Variants in SLC4A11 observed in about 807,000 individuals in gnomAD.
SLC4A11 encodes solute carrier family 4 member 11, also known as bicarbonate transporter related protein 1.
Under a neutral mutation model 95.0 loss-of-function variants are expected in SLC4A11, and 74 were observed. The ratio of observed to expected loss-of-function variants is 0.78; its 90% CI spans 0.65 to 0.95. SLC4A11 has a LOEUF of 0.95. Ranked by LOEUF, SLC4A11 falls within the 40% of genes least tolerant of loss-of-function variation. The pLI is 0.00. For synonymous variants in SLC4A11, 548 were observed against 519.0 expected, an observed-to-expected ratio of 1.06 and a Z score of -0.76; for missense variants, 1,081 against 1,192.4, an observed-to-expected ratio of 0.91 and a Z score of 1.38.
chr20:3,238,878 C>T (rs2068071729), intron 1 of SLC4A11: 2 of 1,249,018 alleles, frequency 1.6e-6, no homozygotes, highest in Admixed American at 4.4e-5. Context: ...ACAGCAGAGC[C>T]CTAATGAAAC....
rs756092057 is a variant in SLC4A11 at position 3,229,639 on chromosome 20, T to G, written c.1627A>C (p.Ser543Arg). ...HTALNASFLASPTELPSATHS... is the reference protein window; with the variant it reads ...HTALNASFLARPTELPSATHS... ...GTGGCCGAGGGCAGCTCCGTGGGGC[T>G]GGCGAGGAAGCTGGCGTTGAGGGCA... The change falls in exon 14 of 20, where the codon AGC (serine) becomes CGC (arginine). Residue 543 changes from serine to arginine, a missense_variant. Physicochemically the swap from Ser to Arg is moderately radical, Grantham distance 110. Coordinates refer to ENST00000642402, the MANE Select transcript of SLC4A11 (RefSeq NM_001174089.2). 4.3e-6 allele frequency: 7 copies of G among 1,613,396 alleles called. No individual in the cohort carries two copies. In the African/African-American group the frequency reaches 8.0e-5, roughly 18 times the overall value.
Position 3,234,993 on chromosome 20 carries a change from A to G in SLC4A11, c.89-99T>C, listed in dbSNP as rs2067923658. 1 of 1,492,376 alleles carries G rather than the reference A, an allele frequency of 6.7e-7. No homozygotes were observed. Among genetic ancestry groups the G allele is most frequent in the South Asian group, 1.1e-5 (1 of 87,816 alleles). 92.4% of individuals were successfully genotyped at this position (1,492,376 alleles called of 1,614,324 possible). A position where few individuals can be genotyped will look rare whatever the true frequency, so the allele number is the denominator to read the frequency against. On this transcript the variant is annotated intron_variant, in intron 2 of 19. Coordinates refer to ENST00000642402, the MANE Select transcript of SLC4A11 (RefSeq NM_001174089.2). This position sits in a 1 kb window ranked among gnomAD's most constrained non-coding sequence, Gnocchi z 5.8. ...GGAGCAGGGACCCCTGGACTGTCCC[A>G]CTCTCGGGCCGTGGTGGGAGAGGCC...
intron 7 of SLC4A11, among the ~76,000 whole-genome samples, chr20:3,233,062 T>C (rs2067832935): frequency 6.6e-6 from 1 of 152,228 alleles, no homozygotes. Context: ...GGAGGGGTCC[T>C]GGCAATCATC....
Position 3,228,526 on chromosome 20 carries a change from G to T in SLC4A11, c.2374C>A (p.Leu792Met). The change falls in exon 18 of 20, where the codon CTG (leucine) becomes ATG (methionine). Residue 792 changes from leucine to methionine, a missense_variant. Coordinates refer to ENST00000642402, the MANE Select transcript of SLC4A11 (RefSeq NM_001174089.2). ...CAAGCGCTCACCTGCTCCTTGAGCA[G>T]CAGGGCCACGCGCTGGACGAGCTGG... ...GNQLVQRVAL[L>M]LKEQTAYPPT... 6.2e-7 allele frequency: 1 copy of T among 1,613,068 alleles called. No homozygotes were observed. Among genetic ancestry groups the T allele is most frequent in the East Asian group, 2.2e-5 (1 of 44,876 alleles).
Position 3,235,309 on chromosome 20 carries a change from TCACACACACACACACA to T in SLC4A11, c.89-431_89-416del, listed in dbSNP as rs58744452. On this transcript the variant is annotated intron_variant, in intron 2 of 19. Coordinates refer to ENST00000642402, the MANE Select transcript of SLC4A11 (RefSeq NM_001174089.2). The stretch of plus-strand genomic sequence containing the variant: ...CTCTCTCTCTCTCTCTCTCTCTCTC[TCACACACACACACACA>T]CACACACACACACACACACACACAC... Among the ~76,000 whole-genome samples, 439 of 123,518 alleles carry T rather than the reference TCACACACACACACACA, an allele frequency of 3.6e-3. 2 individuals are homozygous for T. The highest frequency in any genetic ancestry group is 0.011 in the South Asian group (38 of 3,536). The allele number at this position is 123,518 out of a possible 152,430, so 81.0% of individuals were successfully genotyped here. A position where few individuals can be genotyped will look rare whatever the true frequency, so the allele number is the denominator to read the frequency against.
At position 3,227,786 on chromosome 20, in the gene SLC4A11, G is replaced by T; in HGVS notation, c.*1C>A. ...AATGGGGCGTGGGCAGGGTCTGCCAGTCAAGGCCTGTGCTCAGCGTCCATG... is the reference window on the plus strand; with the variant it reads ...AATGGGGCGTGGGCAGGGTCTGCCATTCAAGGCCTGTGCTCAGCGTCCATG... On this transcript the variant is annotated 3_prime_UTR_variant, in exon 20 of 20. Transcript: ENST00000642402. 5 of 1,613,034 alleles carry T rather than the reference G, an allele frequency of 3.1e-6. No homozygotes were observed. The highest frequency in any genetic ancestry group is 4.2e-6 in the Non-Finnish European group (5 of 1,179,942).
At chr20:3,239,242 A>AC, upstream of SLC4A11, 1 of 1,278,680 alleles carries the variant, frequency 7.8e-7, no homozygotes, top group Non-Finnish European at 9.9e-7. Flanking sequence ...CCGGCGACAC[A>AC]CCCCCACGCC....
chr20:3,238,858 C>G, intron 1 of SLC4A11: 2 of 1,219,086 alleles, frequency 1.6e-6, no homozygotes, highest in South Asian at 6.9e-5. Flanking sequence ...GTAAGAAATT[C>G]AAGACGGCGA....
At chr20:3,236,630 C>A (rs2067990659) in intron 2 of SLC4A11, among the ~76,000 whole-genome samples, 1 of 152,012 alleles carries the variant, frequency 6.6e-6, no homozygotes, top group African/African-American at 2.4e-5. Flanking sequence ...GTCCTCACTG[C>A]TTTGGTTCTG....
intron 1 of SLC4A11, chr20:3,238,303 A>T (rs1188004035): frequency 2.4e-6 from 3 of 1,243,492 alleles, no homozygotes; most frequent in African/African-American, 1.6e-5. Context: ...CTGTCGGAGG[A>T]AGGAAGCGAC....
chr20:3,230,676 G>T, intron 11 of SLC4A11, 29 bp from the exon 12 acceptor site: 1 of 1,613,014 alleles, frequency 6.2e-7, no homozygotes, highest in Admixed American at 1.7e-5. Context: ...GCGGGTCAGG[G>T]CCCGGCAGGA....
At chr20:3,233,405 G>A in intron 7 of SLC4A11, 109 bp downstream of exon 7, 1 of 1,527,174 alleles carries the variant, frequency 6.5e-7, no homozygotes, top group South Asian at 1.1e-5. Context: ...CGAAGGGGAG[G>A]GTGAGGACCA....
intron 10 of SLC4A11, 33 bp downstream of exon 10, chr20:3,230,900 A>ACCCCCCCCC: frequency 1.2e-6 from 2 of 1,610,740 alleles, no homozygotes; most frequent in Non-Finnish European, 1.7e-6. Context: ...AGCCCAGCAT[A>ACCCCCCCCC]CCCCCACCCA....
intron 2 of SLC4A11, among the ~76,000 whole-genome samples, chr20:3,235,106 C>T (rs529646949): frequency 1.3e-5 from 2 of 152,292 alleles, no homozygotes; most frequent in South Asian, 2.1e-4. Flanking sequence ...TCCAGCATTC[C>T]CTAGCCGCTG....
rs1568528977 is a variant in SLC4A11, at chr20:3,228,958, TTGA to T, written c.2069_2071del (p.Ile690del). The T allele has an allele frequency of 6.2e-6, 10 of 1,613,846 alleles. No individual in the cohort carries two copies. The highest frequency in any genetic ancestry group is 2.2e-5 in the East Asian group (1 of 44,884). The stretch of plus-strand genomic sequence containing the variant: ...CAGCCCAAACAGAGACAGCCCTGTG[TTGA>T]TGATGGCGAGGAGCAGGAGGTCCCA... On this transcript the variant is annotated inframe_deletion, in exon 17 of 20. Transcript: ENST00000642402.
rs757222947 is a variant in SLC4A11, at chr20:3,234,537, C to A, written c.291+31G>T. ...ATCACCTCAGCCCCCAGGTAGAGGC[C>A]CCAGGACCACCTGCAGGACAGGCCA... On this transcript the variant is annotated intron_variant, in intron 4 of 19. Coordinates refer to ENST00000642402, the MANE Select transcript of SLC4A11 (RefSeq NM_001174089.2). This position sits in a 1 kb window ranked among gnomAD's most constrained non-coding sequence, Gnocchi z 5.8. 5 of 1,613,572 alleles carry A rather than the reference C, an allele frequency of 3.1e-6. No individual in the cohort carries two copies. Among genetic ancestry groups the A allele is most frequent in the Non-Finnish European group, 4.2e-6 (5 of 1,179,948 alleles).
rs1180195290 is a variant in SLC4A11 at position 3,234,326 on chromosome 20, C to A, written c.292-12G>T. 1 of 1,612,316 alleles carries A rather than the reference C, an allele frequency of 6.2e-7. No homozygotes were observed. The highest frequency in any genetic ancestry group is 1.7e-5 in the Admixed American group (1 of 59,994). Reference sequence around the variant, plus strand: ...TTTAACTTCAGGTACTGAGGGGACCCCAGGGACAGAACCACACGGGCCCAT... The same window carrying A: ...TTTAACTTCAGGTACTGAGGGGACCACAGGGACAGAACCACACGGGCCCAT... On this transcript the variant is annotated splice_polypyrimidine_tract_variant and intron_variant, in intron 4 of 19. Coordinates refer to ENST00000642402, the MANE Select transcript of SLC4A11 (RefSeq NM_001174089.2). This position sits in a 1 kb window ranked among gnomAD's most constrained non-coding sequence, Gnocchi z 5.8.
At chr20:3,237,842 G>A (rs1387941302) in intron 1 of SLC4A11, 1 of 1,554,466 alleles carries the variant, frequency 6.4e-7, no homozygotes, top group African/African-American at 1.4e-5. Context: ...GGCCAGAGGC[G>A]AGGAGGAGAG....
chr20:3,235,988 C>T (rs1221936264), intron 2 of SLC4A11, among the ~76,000 whole-genome samples: 1 of 152,160 alleles, frequency 6.6e-6, no homozygotes, highest in African/African-American at 2.4e-5. Context: ...TGTGGGTCCC[C>T]TAAGGTTCCT....
Sources: gnomAD v4.1 joint callset for allele counts (sites outside exome capture counted in the v4.1 genomes callset) on GRCh38, gnomAD v4.1.1 for gene constraint, Gnocchi (gnomAD v3.1) non-coding constraint, MANE v1.5 for transcripts, NCBI Gene and HGNC (gene_info 2026-07-23, HGNC 2026-07-21) for gene names.